SLC10A2: variants seen among roughly 807,000 people sequenced by gnomAD.
SLC10A2 encodes ileal sodium/bile acid cotransporter.
A neutral mutation model predicts 27.1 loss-of-function variants in SLC10A2; 34 were observed. That is an observed-to-expected ratio of 1.26 (90% CI 0.96 to 1.67). The LOEUF (loss-of-function observed/expected upper bound fraction) is 1.67, where lower values mean the gene tolerates loss of function less well. Ranked by LOEUF, SLC10A2 falls within the 40% of genes most tolerant of loss-of-function variation. SLC10A2 has a pLI of 0.00. For synonymous variants in SLC10A2, 205 were observed against 174.0 expected (o/e 1.18, Z -1.40); for missense variants, 530 against 444.4 (o/e 1.19, Z -1.73).
rs188605437 is a variant in SLC10A2 at position 103,044,716 on chromosome 13, C to G, written c.*1417G>C. On this transcript the variant is annotated 3_prime_UTR_variant, in exon 6 of 6. Transcript: ENST00000245312. ...GCAAAAAGCCCTTTCAGCCAAAACA[C>G]TTGAAATAGACTCTATGAGGCAGTG... 1.3e-4 allele frequency: 20 copies of G among 152,220 alleles called. No individual in the cohort carries two copies. The highest frequency in any genetic ancestry group is 1.2e-3 in the Admixed American group (18 of 15,288). 9.4% of individuals were successfully genotyped at this position (152,220 alleles called of 1,614,324 possible).
intron 5 of SLC10A2, among the ~76,000 whole-genome samples, chr13:103,048,390 C>CA (rs199881213): frequency 0.082 from 7,929 of 96,920 alleles, 268 homozygotes; most frequent in Middle Eastern, 0.13. Flanking sequence ...GGGGCTGTCT[C>CA]AAAAAAAAAA....
At chr13:103,064,701 C>A (rs1351993820) in intron 1 of SLC10A2, among the ~76,000 whole-genome samples, 2 of 151,724 alleles carry the variant, frequency 1.3e-5, no homozygotes, top group African/African-American at 4.8e-5. Context: ...ATTAACTAAA[C>A]CTGAATAGCA....
intron 5 of SLC10A2, among the ~76,000 whole-genome samples, chr13:103,048,338 C>T (rs1302344554): frequency 6.8e-6 from 1 of 147,692 alleles, no homozygotes; most frequent in Non-Finnish European, 1.5e-5. Context: ...TTGCAGTGAG[C>T]AGAGATCACA....
chr13:103,046,282 G>C (rs1286548903), intron 5 of SLC10A2, 22 bp from the exon 6 acceptor site: 1 of 1,580,008 alleles, frequency 6.3e-7, no homozygotes, highest in South Asian at 1.1e-5. Flanking sequence ...TACACAGACA[G>C]TTAAGTAAAT....
intron 1 of SLC10A2, 128 bp downstream of exon 1, chr13:103,065,745 C>A: frequency 1.9e-6 from 2 of 1,036,136 alleles, no homozygotes; most frequent in Non-Finnish European, 3.0e-6. Context: ...TGCATTTATT[C>A]TCTCCTGTTT....
At position 103,046,018 on chromosome 13, in the gene SLC10A2, A is replaced by G; in HGVS notation, c.*115T>C. 1 of 1,314,240 alleles carries G rather than the reference A, an allele frequency of 7.6e-7. No individual in the cohort carries two copies. Among genetic ancestry groups the G allele is most frequent in the Non-Finnish European group, 1.1e-6 (1 of 923,264 alleles). The allele number at this position is 1,314,240 out of a possible 1,614,324, so 81.4% of individuals were successfully genotyped here. On this transcript the variant is annotated 3_prime_UTR_variant, in exon 6 of 6. Coordinates refer to ENST00000245312, the MANE Select transcript of SLC10A2 (RefSeq NM_000452.3). ...AAACCAATACATGAATTCCAATGAA[A>G]TTCCAATTTTCACTTTAACTCTTTT...
rs200495020 is a variant in SLC10A2 at position 103,066,289 on chromosome 13, G to A, written c.-40C>T. ...CTGGAAAGGCCAAGTCCACAGAAGC[G>A]CTGGTCCCTGGGCCCTGGCTCTGCT... is the stretch of plus-strand genomic sequence containing the variant. On this transcript the variant is annotated 5_prime_UTR_variant, in exon 1 of 6. Coordinates refer to ENST00000245312, the MANE Select transcript of SLC10A2 (RefSeq NM_000452.3). The A allele has an allele frequency of 7.4e-5, 115 of 1,563,552 alleles. No individual in the cohort carries two copies. Among genetic ancestry groups the A allele is most frequent in the Non-Finnish European group, 9.3e-5 (107 of 1,154,048 alleles).
chr13:103,046,019 T>G lies in SLC10A2; in HGVS notation c.*114A>C. ...AACCAATACATGAATTCCAATGAAA[T>G]TCCAATTTTCACTTTAACTCTTTTC... On this transcript the variant is annotated 3_prime_UTR_variant, in exon 6 of 6. Coordinates refer to ENST00000245312, the MANE Select transcript of SLC10A2 (RefSeq NM_000452.3). 1 of 1,315,534 alleles carries G rather than the reference T, an allele frequency of 7.6e-7. No homozygotes were observed. The highest frequency in any genetic ancestry group is 1.9e-4 in the Middle Eastern group (1 of 5,348). The allele number at this position is 1,315,534 out of a possible 1,614,324, so 81.5% of individuals were successfully genotyped here.
At chr13:103,054,311 T>A (rs1179409781) in intron 2 of SLC10A2, among the ~76,000 whole-genome samples, 3 of 152,208 alleles carry the variant, frequency 2.0e-5, no homozygotes, top group African/African-American at 7.2e-5. Context: ...CTGTACAGTC[T>A]GTGGAACTGT....
chr13:103,054,611 A>G (rs17274342), intron 2 of SLC10A2, among the ~76,000 whole-genome samples: 62,037 of 151,848 alleles, frequency 0.41, 13,384 homozygotes, highest in Non-Finnish European at 0.48. Flanking sequence ...AAGAGTATTC[A>G]TCTTTTTGAG....
intron 2 of SLC10A2, among the ~76,000 whole-genome samples, chr13:103,057,624 G>T (rs1042935117): frequency 6.6e-6 from 1 of 152,144 alleles, no homozygotes; most frequent in African/African-American, 2.4e-5. Context: ...GCTCATGCAT[G>T]TTATCCCACT....
chr13:103,053,920 G>A (rs1875862094), intron 2 of SLC10A2, among the ~76,000 whole-genome samples: 1 of 152,040 alleles, frequency 6.6e-6, no homozygotes, highest in Admixed American at 6.6e-5. Context: ...TGAAAGAGTG[G>A]CGTTGACACA....
At chr13:103,065,791 A>T in intron 1 of SLC10A2, 82 bp downstream of exon 1, 1 of 1,507,926 alleles carries the variant, frequency 6.6e-7, no homozygotes, top group Non-Finnish European at 9.2e-7. Flanking sequence ...GTGGCAAATC[A>T]GTTGGACATT....
Position 103,045,717 on chromosome 13 carries a change from T to G in SLC10A2, c.*416A>C. On this transcript the variant is annotated 3_prime_UTR_variant, in exon 6 of 6. Coordinates refer to ENST00000245312, the MANE Select transcript of SLC10A2 (RefSeq NM_000452.3). Reference sequence around the variant, plus strand: ...AAACACTGAAGAAAATCGTGACCACTGTAATAATAATAATTCATTACATCT... The same window carrying G: ...AAACACTGAAGAAAATCGTGACCACGGTAATAATAATAATTCATTACATCT... 6.2e-6 allele frequency: 1 copy of G among 160,186 alleles called. No homozygotes were observed. Among genetic ancestry groups the G allele is most frequent in the East Asian group, 1.8e-4 (1 of 5,584 alleles). 9.9% of individuals were successfully genotyped at this position (160,186 alleles called of 1,614,324 possible).
intron 1 of SLC10A2, among the ~76,000 whole-genome samples, chr13:103,061,629 A>G (rs1027176909): frequency 1.3e-5 from 2 of 152,050 alleles, no homozygotes; most frequent in Non-Finnish European, 2.9e-5. Context: ...ATGACGTTGT[A>G]TCATAATTTT....
At chr13:103,057,256 C>G (rs1875965498) in intron 2 of SLC10A2, among the ~76,000 whole-genome samples, 1 of 152,152 alleles carries the variant, frequency 6.6e-6, no homozygotes, top group Non-Finnish European at 1.5e-5. Flanking sequence ...CGTGATAGTT[C>G]TGTGGGAAAT....
intron 5 of SLC10A2, among the ~76,000 whole-genome samples, chr13:103,047,860 A>C (rs1221129337): frequency 6.6e-6 from 1 of 152,068 alleles, no homozygotes; most frequent in Admixed American, 6.6e-5. Context: ...AGACATCATT[A>C]AGTAATTATT....
rs529665294 is a variant in SLC10A2, at chr13:103,052,435, C to A, written c.585+185G>T. 1.8e-4 allele frequency among the ~76,000 whole-genome samples: 7 copies of A among 39,638 alleles called. No homozygotes were observed. In the South Asian group the frequency reaches 4.8e-3, roughly 27 times the overall value. 26.0% of individuals were successfully genotyped at this position (39,638 alleles called of 152,430 possible). On this transcript the variant is annotated intron_variant, in intron 3 of 5. Transcript: ENST00000245312. The stretch of plus-strand genomic sequence containing the variant: ...AACAGCATTAGCAACATAGTGAGAT[C>A]CCACCTCTCTCTCTACACACATATA...
chr13:103,051,536 A>G, intron 3 of SLC10A2, 104 bp from the exon 4 acceptor site: 6 of 1,263,168 alleles, frequency 4.7e-6, no homozygotes, highest in Admixed American at 2.0e-5. Flanking sequence ...CCCTGGGGGA[A>G]GTGATGATAA....
Sources: allele counts gnomAD v4.1 joint callset (sites outside exome capture counted in the v4.1 genomes callset), GRCh38; gene constraint gnomAD v4.1.1; transcripts MANE v1.5; gene names NCBI Gene and HGNC (gene_info 2026-07-23, HGNC 2026-07-21).